HOXC12: variants seen among roughly 807,000 people sequenced by gnomAD.
HOXC12 encodes homeobox protein Hox-C12.
A neutral mutation model predicts 20.9 loss-of-function variants in HOXC12; 24 were observed. That is an observed-to-expected ratio of 1.15 (90% confidence interval 0.83 to 1.61). The LOEUF (loss-of-function observed/expected upper bound fraction) is 1.61. Ranked by LOEUF, HOXC12 falls within the 40% of genes most tolerant of loss-of-function variation. HOXC12 has a pLI of 0.00. For synonymous variants in HOXC12, 202 were observed against 197.7 expected (o/e 1.02, Z -0.18); for missense variants, 436 against 406.9 (o/e 1.07, Z -0.62).
rs971997060 is a variant in HOXC12 at position 53,957,602 on chromosome 12, A to G, written c.*1036A>G. The G allele has an allele frequency of 6.6e-6, 1 of 152,220 alleles. No individual in the cohort carries two copies. Among genetic ancestry groups the G allele is most frequent in the Non-Finnish European group, 1.5e-5 (1 of 68,048 alleles). 9.4% of individuals were successfully genotyped at this position (152,220 alleles called of 1,614,324 possible). On this transcript the variant is annotated 3_prime_UTR_variant, in exon 2 of 2. Transcript: ENST00000243103. ...ACGGTCACTGCCTCACGGGCCGGCC[A>G]GAGGGTGGACCAGCGTAATTTACGA...
In HOXC12 at chr12:53,955,127, G is replaced by A. The variant is rs747595266; in HGVS notation, c.198G>A (p.Gln66=). ...CGGAGCCGTGCAATGGCTACCCGCAGCCCTACCTCGGCAGCCCAGTGTCTC... is the reference window on the plus strand; with the variant it reads ...CGGAGCCGTGCAATGGCTACCCGCAACCCTACCTCGGCAGCCCAGTGTCTC... The part of the protein sequence containing the change: ...PSAEPCNGYP[Q]PYLGSPVSLN... Residue 66 remains glutamine (Q), a synonymous_variant, in exon 1 of 2, where the codon CAG becomes CAA. Transcript: ENST00000243103. 5.8e-5 allele frequency: 93 copies of A among 1,610,554 alleles called. No individual in the cohort carries two copies. The East Asian group carries it at 9.2e-4, about 16-fold the overall frequency.
chr12:53,956,806 C>A lies in HOXC12; in HGVS notation c.*240C>A. ...GAGAGCAGAAGCCGGCAGCTGCCTG[C>A]GGTTGGCAGGGGCAGGAAGGCTGAG... On this transcript the variant is annotated 3_prime_UTR_variant, in exon 2 of 2. Coordinates refer to ENST00000243103, the MANE Select transcript of HOXC12 (RefSeq NM_173860.3). 1 of 404,626 alleles carries A rather than the reference C, an allele frequency of 2.5e-6. No homozygotes were observed. 25.1% of individuals were successfully genotyped at this position (404,626 alleles called of 1,614,324 possible). A position where few individuals can be genotyped will look rare whatever the true frequency, so the allele number is the denominator to read the frequency against.
chr12:53,956,261 G>A, intron 1 of HOXC12, 67 bp from the exon 2 acceptor site: 3 of 1,320,372 alleles, frequency 2.3e-6, no homozygotes, highest in South Asian at 1.4e-5. Context: ...TCTGGGGAAG[G>A]GCCAAGGGCA....
chr12:53,956,587 G>T lies in HOXC12; in HGVS notation c.*21G>T, dbSNP rs1323685003. 15 of 1,564,832 alleles carry T rather than the reference G, an allele frequency of 9.6e-6. No homozygotes were observed. Among genetic ancestry groups the T allele is most frequent in the Non-Finnish European group, 1.3e-5 (15 of 1,148,434 alleles). ...TTTAAGGTGCAGGACACGGGCGCCAGCCCCAGACTGAGCCTGTCCCTGGCA... is the reference window on the plus strand; with the variant it reads ...TTTAAGGTGCAGGACACGGGCGCCATCCCCAGACTGAGCCTGTCCCTGGCA... On this transcript the variant is annotated 3_prime_UTR_variant, in exon 2 of 2. Coordinates refer to ENST00000243103, the MANE Select transcript of HOXC12 (RefSeq NM_173860.3).
At position 53,955,450 on chromosome 12, in the gene HOXC12, T is replaced by G. The variant is rs1398097529; in HGVS notation, c.521T>G (p.Leu174Arg). The change falls in exon 1 of 2, where the codon CTG (leucine) becomes CGG (arginine). Residue 174 changes from leucine (L) to arginine (R), a missense_variant. Leu to Arg is a moderately radical substitution (Grantham distance 102). Coordinates refer to ENST00000243103, the MANE Select transcript of HOXC12 (RefSeq NM_173860.3). ...QSLESDSSSSLLNEGNKGAGA... is the reference protein window; with the variant it reads ...QSLESDSSSSRLNEGNKGAGA... ...CTGGAATCCGACTCCAGTTCGTCCC[T>G]GCTCAACGAGGGCAACAAGGGCGCC... The G allele has an allele frequency of 1.3e-6, 2 of 1,505,762 alleles. No homozygotes were observed. The highest frequency in any genetic ancestry group is 1.2e-5 in the South Asian group (1 of 80,680). The allele number at this position is 1,505,762 out of a possible 1,614,324, so 93.3% of individuals were successfully genotyped here.
rs1385208816 is a variant in HOXC12, at chr12:53,958,660, C to T, written c.*2094C>T. The stretch of plus-strand genomic sequence containing the variant: ...TTCCCAATCTAATAATGAAGAGGGA[C>T]CAGAACACTCTAAAAGGAGTGAGGG... On this transcript the variant is annotated 3_prime_UTR_variant, in exon 2 of 2. Coordinates refer to ENST00000243103, the MANE Select transcript of HOXC12 (RefSeq NM_173860.3). 6.6e-6 allele frequency: 1 copy of T among 152,132 alleles called. No individual in the cohort carries two copies. Among genetic ancestry groups the T allele is most frequent in the Non-Finnish European group, 1.5e-5 (1 of 68,034 alleles). 9.4% of individuals were successfully genotyped at this position (152,132 alleles called of 1,614,324 possible).
chr12:53,955,473 G>C lies in HOXC12; in HGVS notation c.544G>C (p.Ala182Pro). 6.7e-7 allele frequency: 1 copy of C among 1,502,690 alleles called. No individual in the cohort carries two copies. Among genetic ancestry groups the C allele is most frequent in the East Asian group, 2.7e-5 (1 of 36,896 alleles). 93.1% of individuals were successfully genotyped at this position (1,502,690 alleles called of 1,614,324 possible). The change falls in exon 1 of 2, where the codon GCC (alanine) becomes CCC (proline). Residue 182 changes from alanine to proline, a missense_variant. Transcript: ENST00000243103. ...CCTGCTCAACGAGGGCAACAAGGGC[G>C]CCGGCGCAGGCGACCCCGGCAGCTT... Reference protein sequence around the residue: ...SSLLNEGNKGAGAGDPGSLVS... With the variant: ...SSLLNEGNKGPGAGDPGSLVS...
In HOXC12 at chr12:53,955,361, C is replaced by CGGCGGCGGT. The variant is rs1180998537; in HGVS notation, c.437_445dup (p.Gly146_Gly148dup). The CGGCGGCGGT allele has an allele frequency of 2.1e-6, 3 of 1,448,822 alleles. No individual in the cohort carries two copies. The highest frequency in any genetic ancestry group is 2.7e-6 in the Non-Finnish European group (3 of 1,105,402). The allele number at this position is 1,448,822 out of a possible 1,614,324, so 89.7% of individuals were successfully genotyped here. A position where few individuals can be genotyped will look rare whatever the true frequency, so the allele number is the denominator to read the frequency against. On this transcript the variant is annotated inframe_insertion, in exon 1 of 2. Transcript: ENST00000243103. ...GCTTCAAGTACGACTACGCGGCGGG[C>CGGCGGCGGT]GGCGGCGGTGGCGACGGCGGCGGCG... is the stretch of plus-strand genomic sequence containing the variant.
Position 53,955,403 on chromosome 12 carries a change from C to G in HOXC12, c.474C>G (p.His158Gln), listed in dbSNP as rs776873590. Residue 158 changes from histidine (H) to glutamine (Q), a missense_variant, in exon 1 of 2, where the codon CAC becomes CAG. Transcript: ENST00000243103. ...GDGGGGAGPP[H>Q]DPPSCQSLES... The stretch of plus-strand genomic sequence containing the variant: ...GCGGCGGCGGCGCAGGACCTCCGCA[C>G]GACCCGCCCTCCTGCCAGTCGCTGG... 38 of 1,508,324 alleles carry G rather than the reference C, an allele frequency of 2.5e-5. No individual in the cohort carries two copies. The East Asian group carries it at 8.9e-4, about 36-fold the overall frequency. The allele number at this position is 1,508,324 out of a possible 1,614,324, so 93.4% of individuals were successfully genotyped here.
At position 53,955,379 on chromosome 12, in the gene HOXC12, C is replaced by T; in HGVS notation, c.450C>T (p.Gly150=). ...CGGCGGGCGGCGGCGGTGGCGACGG[C>T]GGCGGCGGCGCAGGACCTCCGCACG... is the stretch of plus-strand genomic sequence containing the variant. The part of the protein sequence containing the change: ...DYAAGGGGGD[G]GGGAGPPHDP... Residue 150 remains glycine, a synonymous_variant, in exon 1 of 2, where the codon GGC becomes GGT. Transcript: ENST00000243103. The T allele has an allele frequency of 6.8e-7, 1 of 1,460,486 alleles. No homozygotes were observed. The highest frequency in any genetic ancestry group is 9.0e-7 in the Non-Finnish European group (1 of 1,110,744). The allele number at this position is 1,460,486 out of a possible 1,614,324, so 90.5% of individuals were successfully genotyped here.
rs374562830 is a variant in HOXC12, at chr12:53,956,353, C to G, written c.636C>G (p.Ser212Arg). The G allele has an allele frequency of 2.4e-5, 39 of 1,598,936 alleles. No individual in the cohort carries two copies. The highest frequency in any genetic ancestry group is 1.7e-4 in the Middle Eastern group (1 of 5,984). Residue 212 changes from serine (S) to arginine (R), a missense_variant, in exon 2 of 2, where the codon AGC (serine) becomes AGG (arginine). Physicochemically the swap from Ser to Arg is moderately radical, Grantham distance 110 (BLOSUM62 -1). Coordinates refer to ENST00000243103, the MANE Select transcript of HOXC12 (RefSeq NM_173860.3). ...ASGAPWYPIN[S>R]RSRKKRKPYS... The stretch of plus-strand genomic sequence containing the variant: ...GCGCGCCCTGGTACCCGATCAACAG[C>G]CGCTCTCGGAAGAAGCGCAAGCCCT...
At position 53,955,468 on chromosome 12, in the gene HOXC12, A is replaced by C. The variant is rs1938847920; in HGVS notation, c.539A>C (p.Lys180Thr). ...TCGTCCCTGCTCAACGAGGGCAACA[A>C]GGGCGCCGGCGCAGGCGACCCCGGC... ...SSSSLLNEGN[K>T]GAGAGDPGSL... Residue 180 changes from lysine (K) to threonine (T), a missense_variant, in exon 1 of 2, where the codon AAG (lysine) becomes ACG (threonine). By Grantham distance (78) the Lys-to-Thr change is moderately conservative (BLOSUM62 -1). Transcript: ENST00000243103. 5.3e-6 allele frequency: 8 copies of C among 1,505,478 alleles called. No homozygotes were observed. The highest frequency in any genetic ancestry group is 7.1e-6 in the Non-Finnish European group (8 of 1,133,418). The allele number at this position is 1,505,478 out of a possible 1,614,324, so 93.3% of individuals were successfully genotyped here. A position where few individuals can be genotyped will look rare whatever the true frequency, so the allele number is the denominator to read the frequency against.
chr12:53,954,908 C>T lies in HOXC12; in HGVS notation c.-22C>T. ...ATGTCAGATAGCAATAAAGTAGAAGCTGCCGGTCGGGCCCCGCGGAAATGG... is the reference window on the plus strand; with the variant it reads ...ATGTCAGATAGCAATAAAGTAGAAGTTGCCGGTCGGGCCCCGCGGAAATGG... On this transcript the variant is annotated 5_prime_UTR_variant, in exon 1 of 2. Coordinates refer to ENST00000243103, the MANE Select transcript of HOXC12 (RefSeq NM_173860.3). 6.3e-7 allele frequency: 1 copy of T among 1,597,000 alleles called. No homozygotes were observed. The highest frequency in any genetic ancestry group is 1.1e-5 in the South Asian group (1 of 89,358).
chr12:53,956,462 G>A lies in HOXC12; in HGVS notation c.745G>A (p.Asp249Asn), dbSNP rs1938868082. ...ACGCCAGCGCCGGAGGGAACTCTCA[G>A]ACCGCTTGAATCTTAGTGACCAGCA... ...ITRQRRRELS[D>N]RLNLSDQQVK... Residue 249 changes from aspartate to asparagine, a missense_variant, in exon 2 of 2, where the codon GAC becomes AAC. By Grantham distance (23) the Asp-to-Asn change is conservative. Coordinates refer to ENST00000243103, the MANE Select transcript of HOXC12 (RefSeq NM_173860.3). 1 of 1,614,238 alleles carries A rather than the reference G, an allele frequency of 6.2e-7. No homozygotes were observed. The highest frequency in any genetic ancestry group is 1.7e-5 in the Admixed American group (1 of 60,024).
chr12:53,955,174 C>T lies in HOXC12; in HGVS notation c.245C>T (p.Thr82Met), dbSNP rs779774727. Residue 82 changes from threonine to methionine, a missense_variant, in exon 1 of 2, where the codon ACG becomes ATG. By Grantham distance (81) the Thr-to-Met change is moderately conservative. Coordinates refer to ENST00000243103, the MANE Select transcript of HOXC12 (RefSeq NM_173860.3). ...TCTCTCAACCCTCCCTTCGGCCGCA[C>T]GTGCGAGCTGGCGCGCGTGGAGGAC... is the stretch of plus-strand genomic sequence containing the variant. Reference protein sequence around the residue: ...PVSLNPPFGRTCELARVEDGK... With the variant: ...PVSLNPPFGRMCELARVEDGK... The T allele has an allele frequency of 7.4e-6, 12 of 1,610,788 alleles. No individual in the cohort carries two copies. In the Admixed American group the frequency reaches 1.2e-4, roughly 16 times the overall value.
At position 53,956,437 on chromosome 12, in the gene HOXC12, A is replaced by ACGCCAGCG; in HGVS notation, c.722_729dup (p.Arg244AlafsTer11). ...AGTTTCTGGTCAACGAGTTCATCAC[A>ACGCCAGCG]CGCCAGCGCCGGAGGGAACTCTCAG... is the stretch of plus-strand genomic sequence containing the variant. On this transcript the variant is annotated frameshift_variant, in exon 2 of 2. Transcript: ENST00000243103. LOFTEE classifies it high-confidence loss of function. 6.2e-7 allele frequency: 1 copy of ACGCCAGCG among 1,614,128 alleles called. No individual in the cohort carries two copies. Among genetic ancestry groups the ACGCCAGCG allele is most frequent in the Admixed American group, 1.7e-5 (1 of 60,008 alleles).
chr12:53,956,864 G>A lies in HOXC12; in HGVS notation c.*298G>A, dbSNP rs1358922548. 2 of 280,736 alleles carry A rather than the reference G, an allele frequency of 7.1e-6. No homozygotes were observed. Among genetic ancestry groups the A allele is most frequent in the African/African-American group, 2.2e-5 (1 of 45,650 alleles). The allele number at this position is 280,736 out of a possible 1,614,324, so 17.4% of individuals were successfully genotyped here. ...GGGCTGGTTTATTTGAGGCAGGACT[G>A]GGGCACTGCACCTCCGCTGAGGATC... is the stretch of plus-strand genomic sequence containing the variant. On this transcript the variant is annotated 3_prime_UTR_variant, in exon 2 of 2. Coordinates refer to ENST00000243103, the MANE Select transcript of HOXC12 (RefSeq NM_173860.3).
Position 53,955,095 on chromosome 12 carries a change from C to A in HOXC12, c.166C>A (p.Pro56Thr). Residue 56 changes from proline (P) to threonine (T), a missense_variant, in exon 1 of 2, where the codon CCG (proline) becomes ACG (threonine). Coordinates refer to ENST00000243103, the MANE Select transcript of HOXC12 (RefSeq NM_173860.3). ...CGACAACGTGTGCTCCCTGTCCTGG[C>A]CGTCGGCGGAGCCGTGCAATGGCTA... The part of the protein sequence containing the change: ...RRDNVCSLSW[P>T]SAEPCNGYPQ... 6.2e-7 allele frequency: 1 copy of A among 1,612,642 alleles called. No individual in the cohort carries two copies. The highest frequency in any genetic ancestry group is 8.5e-7 in the Non-Finnish European group (1 of 1,179,486).
Position 53,954,918 on chromosome 12 carries a change from G to T in HOXC12, c.-12G>T, listed in dbSNP as rs1938824807. 1.2e-6 allele frequency: 2 copies of T among 1,601,996 alleles called. No individual in the cohort carries two copies. Among genetic ancestry groups the T allele is most frequent in the African/African-American group, 1.3e-5 (1 of 74,710 alleles). On this transcript the variant is annotated 5_prime_UTR_variant, in exon 1 of 2. Transcript: ENST00000243103. ...GCAATAAAGTAGAAGCTGCCGGTCG[G>T]GCCCCGCGGAAATGGGCGAGCATAA...
Sources: allele counts gnomAD v4.1 joint callset, GRCh38; gene constraint gnomAD v4.1.1; transcripts MANE v1.5; gene names NCBI Gene and HGNC (gene_info 2026-07-23, HGNC 2026-07-21).